The following ODR4 variants were observed in gnomAD, a reference collection of about 807,000 sequenced individuals.
The protein encoded by ODR4 is odr-4 GPCR localization factor homolog, also known as protein odr-4 homolog.
Under a neutral mutation model 60.2 loss-of-function variants are expected in ODR4, and 47 were observed. The ratio of observed to expected loss-of-function variants is 0.78; its 90% CI spans 0.62 to 1.00. The LOEUF (loss-of-function observed/expected upper bound fraction) is 1.00. Among genes scored for constraint, ODR4 ranks in the 50% least tolerant of loss-of-function variants. The pLI, the probability that ODR4 is intolerant of heterozygous loss-of-function variation, is 0.00. For synonymous variants in ODR4, 178 were observed against 175.5 expected (o/e 1.01, Z -0.11); for missense variants, 488 against 530.8 (o/e 0.92, Z 0.79).
intron 9 of ODR4, among the ~76,000 whole-genome samples, chr1:186,397,577 A>T (rs1371615196): frequency 6.6e-6 from 1 of 152,198 alleles, no homozygotes; most frequent in African/African-American, 2.4e-5. Flanking sequence ...TAAGCCAAAA[A>T]TCTAAAATCT....
Position 186,383,012 on chromosome 1 carries a change from G to T in ODR4, c.100-10G>T. On this transcript the variant is annotated splice_polypyrimidine_tract_variant and intron_variant, in intron 2 of 13. Coordinates refer to ENST00000287859, the MANE Select transcript of ODR4 (RefSeq NM_017847.6). Reference sequence around the variant, plus strand: ...ATCACTCTAACAAGCTTTTTAATTTGTTGTTGAAGTGTTCGTCACAAAAGG... The same window carrying T: ...ATCACTCTAACAAGCTTTTTAATTTTTTGTTGAAGTGTTCGTCACAAAAGG... 1 of 1,577,944 alleles carries T rather than the reference G, an allele frequency of 6.3e-7. No individual in the cohort carries two copies.
In ODR4 at chr1:186,419,318, A is replaced by G; in HGVS notation, c.*242A>G. 1 of 511,550 alleles carries G rather than the reference A, an allele frequency of 2.0e-6. No homozygotes were observed. 31.7% of individuals were successfully genotyped at this position (511,550 alleles called of 1,614,324 possible). ...TGCATCTAGATGGAAGCTGCATGTAACAAATCATTATTATCTATTTTTAAA... is the reference window on the plus strand; with the variant it reads ...TGCATCTAGATGGAAGCTGCATGTAGCAAATCATTATTATCTATTTTTAAA... On this transcript the variant is annotated 3_prime_UTR_variant, in exon 14 of 14. Coordinates refer to ENST00000287859, the MANE Select transcript of ODR4 (RefSeq NM_017847.6).
chr1:186,387,858 A>C (rs1197475192), intron 4 of ODR4, among the ~76,000 whole-genome samples: 1 of 152,126 alleles, frequency 6.6e-6, no homozygotes, highest in East Asian at 1.9e-4. Flanking sequence ...TTCTGACACA[A>C]ATTTATCTCA....
chr1:186,386,127 G>A, intron 4 of ODR4, 44 bp downstream of exon 4: 1 of 1,154,338 alleles, frequency 8.7e-7, no homozygotes, highest in Non-Finnish European at 1.2e-6. Context: ...TCAGTTATAT[G>A]TTATTTTTAC....
intron 12 of ODR4, among the ~76,000 whole-genome samples, chr1:186,410,915 G>A (rs979233941): frequency 6.6e-6 from 1 of 152,048 alleles, no homozygotes. Flanking sequence ...CTCAGGAGGT[G>A]GAGGCAGGTG....
chr1:186,381,616 C>T (rs1181644260), intron 2 of ODR4, among the ~76,000 whole-genome samples: 5 of 152,078 alleles, frequency 3.3e-5, no homozygotes, highest in Non-Finnish European at 7.4e-5. Context: ...CGTGAGCCAC[C>T]GCGCCCGGCC....
intron 12 of ODR4, among the ~76,000 whole-genome samples, chr1:186,415,103 G>A (rs79668124): frequency 6.7e-6 from 1 of 149,640 alleles, no homozygotes; most frequent in Non-Finnish European, 1.5e-5. Context: ...AAAAAAAGGG[G>A]GGAGGGTTTT....
downstream of ODR4, among the ~76,000 whole-genome samples, chr1:186,422,610 A>T (rs1661812487): frequency 6.6e-6 from 1 of 152,218 alleles, no homozygotes; most frequent in South Asian, 2.1e-4. Context: ...TCAGTAATAA[A>T]GGTTAATTTT....
At chr1:186,382,903 C>A (rs1660093799) in intron 2 of ODR4, 119 bp from the exon 3 acceptor site, 4 of 1,023,846 alleles carry the variant, frequency 3.9e-6, no homozygotes, top group South Asian at 1.9e-5. Flanking sequence ...AATGATTTAA[C>A]CTGTTACAAA....
intron 8 of ODR4, among the ~76,000 whole-genome samples, chr1:186,392,947 T>C (rs1048514897): frequency 5.9e-5 from 9 of 152,108 alleles, no homozygotes; most frequent in African/African-American, 2.2e-4. Flanking sequence ...GGAGGTTGCA[T>C]TGAGCCGAGA....
chr1:186,381,893 CT>C (rs1660047678), intron 2 of ODR4, among the ~76,000 whole-genome samples: 1 of 152,048 alleles, frequency 6.6e-6, no homozygotes, highest in African/African-American at 2.4e-5. Flanking sequence ...TGAAAATAAC[CT>C]GTAGGAATAG....
intron 5 of ODR4, among the ~76,000 whole-genome samples, chr1:186,389,145 C>CT (rs35036799): frequency 0.045 from 6,533 of 143,796 alleles, 176 homozygotes; most frequent in Non-Finnish European, 0.064. Context: ...AGAAGCAGGG[C>CT]TTTTTTTTTT....
intron 11 of ODR4, chr1:186,401,193 T>C: frequency 6.4e-7 from 1 of 1,574,400 alleles, no homozygotes; most frequent in East Asian, 2.3e-5. Context: ...TTTTTGCTGA[T>C]GTTCAATTAG....
At chr1:186,402,309 CTCT>C (rs1338023572) in intron 11 of ODR4, among the ~76,000 whole-genome samples, 2 of 148,124 alleles carry the variant, frequency 1.4e-5, no homozygotes, top group Admixed American at 6.8e-5. Context: ...CTCTCCTCTC[CTCT>C]TTTCTCCTCT....
rs781605825 is a variant in ODR4, at chr1:186,419,113, C to T, written c.*37C>T. ...AAGAGTTTCTTGATCATCCAGAGAA[C>T]ATTGACAGACAATTATGAATAATAA... On this transcript the variant is annotated 3_prime_UTR_variant, in exon 14 of 14. Coordinates refer to ENST00000287859, the MANE Select transcript of ODR4 (RefSeq NM_017847.6). 6.7e-7 allele frequency: 1 copy of T among 1,501,406 alleles called. No individual in the cohort carries two copies. The highest frequency in any genetic ancestry group is 2.3e-5 in the East Asian group (1 of 44,058). The allele number at this position is 1,501,406 out of a possible 1,614,324, so 93.0% of individuals were successfully genotyped here. A position where few individuals can be genotyped will look rare whatever the true frequency, so the allele number is the denominator to read the frequency against.
the ODR4 span, among the ~76,000 whole-genome samples, chr1:186,433,447 C>T: frequency 6.6e-6 from 1 of 151,858 alleles, no homozygotes; most frequent in Non-Finnish European, 1.5e-5. Flanking sequence ...TACTTAATTG[C>T]ATTGTGGTCC....
At chr1:186,429,085 C>T in the ODR4 span, among the ~76,000 whole-genome samples, 1 of 151,988 alleles carries the variant, frequency 6.6e-6, no homozygotes, top group Admixed American at 6.6e-5. Flanking sequence ...AGAAAAACAA[C>T]AACACCAAAC....
downstream of ODR4, among the ~76,000 whole-genome samples, chr1:186,425,347 G>A (rs570344816): frequency 6.6e-6 from 1 of 152,236 alleles, no homozygotes; most frequent in African/African-American, 2.4e-5. Flanking sequence ...AAAATGAGAG[G>A]TACATAGCAG....
intron 4 of ODR4, 115 bp from the exon 5 acceptor site, chr1:186,388,327 G>A (rs1336292768): frequency 5.1e-6 from 3 of 590,430 alleles, no homozygotes; most frequent in Admixed American, 7.8e-5. Context: ...AATAAATAAA[G>A]AATCATGGAA....
Sources: allele counts gnomAD v4.1 joint callset (sites outside exome capture counted in the v4.1 genomes callset), GRCh38; gene constraint gnomAD v4.1.1; transcripts MANE v1.5; gene names NCBI Gene and HGNC (gene_info 2026-07-23, HGNC 2026-07-21).